Variants in GRID2 observed in about 807,000 individuals in gnomAD.
GRID2 encodes glutamate ionotropic receptor delta type subunit 2.
Under a neutral mutation model 114.8 loss-of-function variants are expected in GRID2, and 33 were observed. That is an observed-to-expected ratio of 0.29 (90% CI 0.22 to 0.38). GRID2 has a LOEUF of 0.38. Among genes scored for constraint, GRID2 ranks in the 10% least tolerant of loss-of-function variants. The pLI, the probability that GRID2 is intolerant of heterozygous loss-of-function variation, is 1.00. For missense variants in GRID2, 1,184 were observed against 1,257.7 expected (o/e 0.94, Z 0.89); for synonymous variants, 505 against 449.9 (o/e 1.12, Z -1.55).
At chr4:93,661,939 C>A (rs1430694331) in intron 14 of GRID2, among the ~76,000 whole-genome samples, 2 of 152,056 alleles carry the variant, frequency 1.3e-5, no homozygotes. Flanking sequence ...CAAAGTTATC[C>A]CAATGGTCCT....
chr4:93,778,393 CTT>C (rs36000401), downstream of GRID2, among the ~76,000 whole-genome samples: 84 of 98,584 alleles, frequency 8.5e-4, no homozygotes, highest in Non-Finnish European at 1.2e-3. Context: ...TCTCATTTGG[CTT>C]TTTTTTTTTT....
intron 9 of GRID2, among the ~76,000 whole-genome samples, chr4:93,417,759 C>T (rs1767867543): frequency 6.6e-6 from 1 of 151,798 alleles, no homozygotes; most frequent in Admixed American, 6.6e-5. Flanking sequence ...CTTAAACATT[C>T]ATTCATTTTA....
chr4:93,001,793 C>G (rs1414650130), intron 2 of GRID2, among the ~76,000 whole-genome samples: 1 of 151,690 alleles, frequency 6.6e-6, no homozygotes, highest in African/African-American at 2.4e-5. Flanking sequence ...AATGCATTAA[C>G]AAGAAAACTA....
chr4:92,738,951 C>A (rs1434784), intron 2 of GRID2, among the ~76,000 whole-genome samples: 56,118 of 151,890 alleles, frequency 0.37, 10,736 homozygotes, highest in East Asian at 0.57. Context: ...TACAGGCAGG[C>A]GCCGTAACAC....
chr4:92,363,424 G>T (rs1171126557), intron 1 of GRID2, among the ~76,000 whole-genome samples: 1 of 151,842 alleles, frequency 6.6e-6, no homozygotes, highest in Non-Finnish European at 1.5e-5. Flanking sequence ...TAGCGTTTTA[G>T]TTAAATAACA....
In GRID2 at chr4:93,064,416, A is replaced by C. The variant is rs188535500; in HGVS notation, c.245-20579A>C. Among the ~76,000 whole-genome samples the C allele has an allele frequency of 3.0e-4, 46 of 151,984 alleles. No individual in the cohort carries two copies. The East Asian group carries it at 7.7e-3, about 26-fold the overall frequency. ...AATAGAATTATAATTTTAGAAATGT[A>C]AAATAAATTTATAACAGCATTTACT... On this transcript the variant is annotated intron_variant, in intron 2 of 15. Coordinates refer to ENST00000282020, the MANE Select transcript of GRID2 (RefSeq NM_001510.4).
intron 1 of GRID2, among the ~76,000 whole-genome samples, chr4:92,520,339 A>C (rs1346830237): frequency 6.6e-6 from 1 of 151,340 alleles, no homozygotes; most frequent in African/African-American, 2.4e-5. Context: ...AGAAGGAAGA[A>C]AACAAAGATA....
rs70942924 is a variant in GRID2, at chr4:92,676,156, GCCCC to G, written c.244+85881_244+85884del. On this transcript the variant is annotated intron_variant, in intron 2 of 15. Transcript: ENST00000282020. Reference sequence around the variant, plus strand: ...ATGTTATGATGCATTGTCGTGTCAAGCCCCCCCCCCCCCCTTTTTTTTTTGTGGT... The same window carrying G: ...ATGTTATGATGCATTGTCGTGTCAAGCCCCCCCCCCTTTTTTTTTTGTGGT... Among the ~76,000 whole-genome samples, 185 of 25,078 alleles carry G rather than the reference GCCCC, an allele frequency of 7.4e-3. 3 individuals carry two copies. Among genetic ancestry groups the G allele is most frequent in the African/African-American group, 0.021 (165 of 7,728 alleles). The allele number at this position is 25,078 out of a possible 152,430, so 16.5% of individuals were successfully genotyped here.
At chr4:92,453,610 G>A (rs1391106333) in intron 1 of GRID2, among the ~76,000 whole-genome samples, 3 of 152,048 alleles carry the variant, frequency 2.0e-5, no homozygotes, top group African/African-American at 4.8e-5. Context: ...TTTCATTTAT[G>A]TTTTAAAATT....
In GRID2 at chr4:93,682,349, C is replaced by T. The variant is rs370139270; in HGVS notation, c.2360+55914C>T. On this transcript the variant is annotated intron_variant, in intron 14 of 15. Coordinates refer to ENST00000282020, the MANE Select transcript of GRID2 (RefSeq NM_001510.4). ...CTGTTGGTGGGACTGTCAACTAGTT[C>T]AACCATTGTGGAAGTCAGTGTGGCG... is the stretch of plus-strand genomic sequence containing the variant. Among the ~76,000 whole-genome samples, 66 of 151,666 alleles carry T rather than the reference C, an allele frequency of 4.4e-4. No individual in the cohort carries two copies. The East Asian group carries it at 0.011, about 26-fold the overall frequency.
chr4:93,459,551 G>A (rs1319333915), intron 11 of GRID2, among the ~76,000 whole-genome samples: 2 of 152,238 alleles, frequency 1.3e-5, no homozygotes, highest in South Asian at 4.2e-4. Context: ...TGATAGATAT[G>A]AGCATTGACC....
At chr4:92,360,054 G>T (rs536340673) in intron 1 of GRID2, among the ~76,000 whole-genome samples, 25 of 152,070 alleles carry the variant, frequency 1.6e-4, no homozygotes, top group Admixed American at 1.6e-3. Context: ...AGATAAGAAA[G>T]AAATTCTATG....
intron 4 of GRID2, among the ~76,000 whole-genome samples, chr4:93,175,203 C>T (rs1015161982): frequency 1.3e-5 from 2 of 152,128 alleles, no homozygotes; most frequent in South Asian, 4.2e-4. Flanking sequence ...CAGAATCTAA[C>T]TCTGTCGCCC....
chr4:93,667,650 CT>C (rs950620685), intron 14 of GRID2, among the ~76,000 whole-genome samples: 3 of 151,874 alleles, frequency 2.0e-5, no homozygotes, highest in African/African-American at 7.3e-5. Flanking sequence ...CTTCCATTTG[CT>C]GAAAATGAAA....
intron 8 of GRID2, among the ~76,000 whole-genome samples, chr4:93,309,193 C>T (rs930364171): frequency 2.0e-5 from 3 of 152,126 alleles, no homozygotes; most frequent in Non-Finnish European, 4.4e-5. Context: ...TTCCTCACCT[C>T]CTAAAATAGG....
chr4:93,361,600 A>G (rs932970219), intron 8 of GRID2, among the ~76,000 whole-genome samples: 8 of 151,898 alleles, frequency 5.3e-5, no homozygotes, highest in African/African-American at 9.7e-5. Context: ...CCTTCACTGT[A>G]TTAATCATGA....
intron 2 of GRID2, among the ~76,000 whole-genome samples, chr4:92,751,656 C>A (rs556896426): frequency 6.6e-6 from 1 of 152,138 alleles, no homozygotes; most frequent in East Asian, 1.9e-4. Context: ...TTCTGACCTT[C>A]CTTTGCCTTC....
chr4:92,345,976 A>G (rs886285284), intron 1 of GRID2, among the ~76,000 whole-genome samples: 1 of 152,246 alleles, frequency 6.6e-6, no homozygotes, highest in Non-Finnish European at 1.5e-5. Context: ...GTAAATTTAT[A>G]TGTTTATGTA....
intron 1 of GRID2, among the ~76,000 whole-genome samples, chr4:92,458,231 C>G (rs760069897): frequency 6.6e-6 from 1 of 152,142 alleles, no homozygotes; most frequent in Non-Finnish European, 1.5e-5. Context: ...TAATTAGTCT[C>G]TATGATAGGC....
Sources: allele counts gnomAD v4.1 joint callset (sites outside exome capture counted in the v4.1 genomes callset), GRCh38; gene constraint gnomAD v4.1.1; transcripts MANE v1.5; gene names NCBI Gene and HGNC (gene_info 2026-07-23, HGNC 2026-07-21).